The following KDM5A variants were observed in gnomAD, a reference collection of about 807,000 sequenced individuals.
KDM5A encodes lysine-specific demethylase 5A.
In KDM5A, 42 loss-of-function variants were observed where a neutral mutation model predicts 193.5. The observed-to-expected ratio is 0.22, with a 90% CI of 0.17 to 0.28. KDM5A has a LOEUF of 0.28. Among genes scored for constraint, KDM5A ranks in the 10% least tolerant of loss-of-function variants. KDM5A has a pLI of 1.00. For synonymous variants in KDM5A, 796 were observed against 718.1 expected (o/e 1.11, Z -1.73); for missense variants, 1,692 against 2,055.1 (o/e 0.82, Z 3.42).
chr12:307,812 A>G lies in KDM5A; in HGVS notation c.3572T>C (p.Leu1191Pro), dbSNP rs2137389415. 6.2e-7 allele frequency: 1 copy of G among 1,614,202 alleles called. No homozygotes were observed. Among genetic ancestry groups the G allele is most frequent in the Non-Finnish European group, 8.5e-7 (1 of 1,180,040 alleles). Reference protein sequence around the residue: ...KDWFHNSCVPLPKSSSQKKGS... With the variant: ...KDWFHNSCVPPPKSSSQKKGS... ...TTTTTTTTGGGAACTTGATTTAGGA[A>G]GAGGAACACAGCTGTTATGGAACCA... The change falls in exon 23 of 28, where the codon CTT becomes CCT. Residue 1191 changes from leucine (L) to proline (P), a missense_variant. Leu to Pro is a moderately conservative substitution (Grantham distance 98). Coordinates refer to ENST00000399788, the MANE Select transcript of KDM5A (RefSeq NM_001042603.3). This position sits in a 1 kb window ranked among gnomAD's most constrained non-coding sequence, Gnocchi z 4.3.
chr12:310,767 A>C (rs1359453819), intron 21 of KDM5A, 118 bp downstream of exon 21: 5 of 1,139,324 alleles, frequency 4.4e-6, no homozygotes, highest in Non-Finnish European at 6.6e-6. Flanking sequence ...TCAACATCTG[A>C]TATTACCTAG....
Position 323,162 on chromosome 12 carries a change from A to G in KDM5A, c.2195T>C (p.Val732Ala). The change falls in exon 16 of 28, where the codon GTA becomes GCA. Residue 732 changes from valine (V) to alanine (A), a missense_variant. Val to Ala is a moderately conservative substitution (Grantham distance 64). This residue lies in a region of KDM5A where 965 missense variants were observed against 1,061.0 expected (regional missense o/e 0.91). Coordinates refer to ENST00000399788, the MANE Select transcript of KDM5A (RefSeq NM_001042603.3). ...LEDLPSLLYG[V>A]KVRAQSYDTW... Reference sequence around the variant, plus strand: ...GTCATAGGACTGTGCCCTGACTTTTACACCATATAGCAGAGAAGGGAGGTC... The same window carrying G: ...GTCATAGGACTGTGCCCTGACTTTTGCACCATATAGCAGAGAAGGGAGGTC... 1 of 1,513,464 alleles carries G rather than the reference A, an allele frequency of 6.6e-7. No homozygotes were observed. The highest frequency in any genetic ancestry group is 8.9e-7 in the Non-Finnish European group (1 of 1,125,374). The allele number at this position is 1,513,464 out of a possible 1,614,324, so 93.8% of individuals were successfully genotyped here.
At position 333,512 on chromosome 12, in the gene KDM5A, T is replaced by G; in HGVS notation, c.1628A>C (p.Asn543Thr). Residue 543 changes from asparagine to threonine, a missense_variant, in exon 12 of 28, where the codon AAC (asparagine) becomes ACC (threonine). Coordinates refer to ENST00000399788, the MANE Select transcript of KDM5A (RefSeq NM_001042603.3). ...LHQLVTIMNP[N>T]VLMEHGVPVY... ...AGGCACACCATGCTCCATTAGCACG[T>G]TGGGGTTCATGATGGTAACTAACTG... 1.9e-6 allele frequency: 3 copies of G among 1,613,966 alleles called. No individual in the cohort carries two copies. Among genetic ancestry groups the G allele is most frequent in the Non-Finnish European group, 2.5e-6 (3 of 1,179,980 alleles).
intron 10 of KDM5A, among the ~76,000 whole-genome samples, chr12:348,474 C>A (rs936698421): frequency 3.9e-5 from 6 of 152,064 alleles, no homozygotes; most frequent in Non-Finnish European, 8.8e-5. Context: ...ATGTTTATTG[C>A]GGCAGTATTC....
At chr12:295,905 A>G (rs1943365317) in intron 25 of KDM5A, 112 bp from the exon 26 acceptor site, 3 of 838,662 alleles carry the variant, frequency 3.6e-6, no homozygotes, top group South Asian at 2.8e-5. Flanking sequence ...CTAACTTCAG[A>G]TATCTGGATT....
In KDM5A at chr12:284,268, C is replaced by G. The variant is rs1438823447; in HGVS notation, c.*1188G>C. ...TGTATATTAAAAAAGGAAAAATAATCTATGTATAGAACAGTCAGTAGTCAG... is the reference window on the plus strand; with the variant it reads ...TGTATATTAAAAAAGGAAAAATAATGTATGTATAGAACAGTCAGTAGTCAG... On this transcript the variant is annotated 3_prime_UTR_variant, in exon 28 of 28. Coordinates refer to ENST00000399788, the MANE Select transcript of KDM5A (RefSeq NM_001042603.3). The G allele has an allele frequency of 4.4e-6, 1 of 226,240 alleles. No homozygotes were observed. The highest frequency in any genetic ancestry group is 8.7e-6 in the Non-Finnish European group (1 of 114,334). 14.0% of individuals were successfully genotyped at this position (226,240 alleles called of 1,614,324 possible).
chr12:362,975 A>T lies in KDM5A; in HGVS notation c.660T>A (p.Arg220=). 1.2e-6 allele frequency: 2 copies of T among 1,614,178 alleles called. No individual in the cohort carries two copies. Among genetic ancestry groups the T allele is most frequent in the Non-Finnish European group, 1.7e-6 (2 of 1,180,018 alleles). The change falls in exon 5 of 28, where the codon CGT becomes CGA. Residue 220 remains arginine (R), a synonymous_variant. Coordinates refer to ENST00000399788, the MANE Select transcript of KDM5A (RefSeq NM_001042603.3). ...RMNILPKRTR[R]VKTQSESGDV... is the part of the protein sequence containing the mutation. ...AAGACATTGATACCTGAGTCTTCAC[A>T]CGTCTTGTTCTCTTCGGCAGAATGT...
chr12:283,727 CTG>C lies in KDM5A; in HGVS notation c.*1727_*1728del, dbSNP rs1943182514. 4.3e-6 allele frequency: 1 copy of C among 232,714 alleles called. No individual in the cohort carries two copies. The highest frequency in any genetic ancestry group is 2.2e-5 in the African/African-American group (1 of 45,154). 14.4% of individuals were successfully genotyped at this position (232,714 alleles called of 1,614,324 possible). On this transcript the variant is annotated 3_prime_UTR_variant, in exon 28 of 28. Transcript: ENST00000399788. Reference sequence around the variant, plus strand: ...CCCAATCCCCCCTTTAAAAGGAAAACTGATGAATTTAAGTCAAACCACAGATT... The same window carrying C: ...CCCAATCCCCCCTTTAAAAGGAAAACATGAATTTAAGTCAAACCACAGATT...
intron 10 of KDM5A, 98 bp downstream of exon 10, chr12:350,523 G>A (rs1275479797): frequency 2.2e-5 from 25 of 1,151,920 alleles, no homozygotes; most frequent in East Asian, 1.2e-4. Flanking sequence ...CAAATCCTAC[G>A]TATTTAATAT....
At position 282,689 on chromosome 12, in the gene KDM5A, C is replaced by T; in HGVS notation, c.*2767G>A. 1 of 232,896 alleles carries T rather than the reference C, an allele frequency of 4.3e-6. No homozygotes were observed. Among genetic ancestry groups the T allele is most frequent in the East Asian group, 6.1e-5 (1 of 16,514 alleles). The allele number at this position is 232,896 out of a possible 1,614,324, so 14.4% of individuals were successfully genotyped here. On this transcript the variant is annotated 3_prime_UTR_variant, in exon 28 of 28. Coordinates refer to ENST00000399788, the MANE Select transcript of KDM5A (RefSeq NM_001042603.3). ...TATAACCTTTGCCAGAGTTAAAATA[C>T]TAATGATGAAGAATTGCAACTTCAG...
At chr12:328,694 A>G in intron 14 of KDM5A, 141 bp downstream of exon 14, 1 of 736,380 alleles carries the variant, frequency 1.4e-6, no homozygotes, top group Non-Finnish European at 2.2e-6. Flanking sequence ...TATGTCAATT[A>G]TAAAAATATA....
chr12:354,598 T>A (rs566007750), intron 7 of KDM5A, among the ~76,000 whole-genome samples: 39 of 152,140 alleles, frequency 2.6e-4, no homozygotes, highest in African/African-American at 8.2e-4. Flanking sequence ...AAACCCCGTC[T>A]CTACTAAAAA....
At chr12:285,792 T>C in intron 27 of KDM5A, 130 bp from the exon 28 acceptor site, 1 of 793,674 alleles carries the variant, frequency 1.3e-6, no homozygotes, top group East Asian at 2.6e-5. Context: ...AATGACTTCT[T>C]ATGGGGTTAT....
intron 19 of KDM5A, among the ~76,000 whole-genome samples, chr12:314,891 G>T (rs1389366640): frequency 3.3e-5 from 5 of 152,198 alleles, no homozygotes; most frequent in African/African-American, 1.2e-4. Flanking sequence ...GATAAGACTA[G>T]ATATATAATT....
At chr12:326,939 T>C (rs143384253) in intron 14 of KDM5A, among the ~76,000 whole-genome samples, 10 of 151,640 alleles carry the variant, frequency 6.6e-5, no homozygotes, top group African/African-American at 1.2e-4. Context: ...CTGGTGAACT[T>C]TGAGACTTTC....
intron 3 of KDM5A, among the ~76,000 whole-genome samples, chr12:381,696 A>G (rs1380134985): frequency 1.3e-5 from 2 of 152,218 alleles, no homozygotes; most frequent in Non-Finnish European, 2.9e-5. Flanking sequence ...ACTGATTAAA[A>G]AAAGTCTCAA....
rs1456110878 is a variant in KDM5A, at chr12:283,530, GATTTT to G, written c.*1921_*1925del. The G allele has an allele frequency of 1.3e-5, 3 of 232,836 alleles. No homozygotes were observed. The highest frequency in any genetic ancestry group is 6.6e-5 in the African/African-American group (3 of 45,288). 14.4% of individuals were successfully genotyped at this position (232,836 alleles called of 1,614,324 possible). A position where few individuals can be genotyped will look rare whatever the true frequency, so the allele number is the denominator to read the frequency against. On this transcript the variant is annotated 3_prime_UTR_variant, in exon 28 of 28. Coordinates refer to ENST00000399788, the MANE Select transcript of KDM5A (RefSeq NM_001042603.3). The stretch of plus-strand genomic sequence containing the variant: ...TCAGAGAAAACATTTACAGAAATTG[GATTTT>G]ATAAGAAAACATCTTTTTTTTTGTA...
rs1591947517 is a variant in KDM5A at position 389,034 on chromosome 12, G to A, written c.58C>T (p.Pro20Ser). 1 of 1,613,938 alleles carries A rather than the reference G, an allele frequency of 6.2e-7. No homozygotes were observed. The highest frequency in any genetic ancestry group is 8.5e-7 in the Non-Finnish European group (1 of 1,179,950). Residue 20 changes from proline to serine, a missense_variant, in exon 1 of 28, where the codon CCC (proline) becomes TCC (serine). Physicochemically the swap from Pro to Ser is moderately conservative, Grantham distance 74 (BLOSUM62 -1). This residue lies in a region of KDM5A where 84 missense variants were observed against 68.2 expected (regional missense o/e 1.23). Coordinates refer to ENST00000399788, the MANE Select transcript of KDM5A (RefSeq NM_001042603.3). ...TCCTCCCAACTCGGCTCAAAGACGGGGCACTCTGGCGGTGGCACGAACTCC... is the reference window on the plus strand; with the variant it reads ...TCCTCCCAACTCGGCTCAAAGACGGAGCACTCTGGCGGTGGCACGAACTCC... Reference protein sequence around the residue: ...AAEFVPPPECPVFEPSWEEFT... With the variant: ...AAEFVPPPECSVFEPSWEEFT...
At chr12:329,813 C>A (rs1019112170) in intron 13 of KDM5A, among the ~76,000 whole-genome samples, 17 of 151,984 alleles carry the variant, frequency 1.1e-4, no homozygotes, top group African/African-American at 4.1e-4. Context: ...CACGTATATA[C>A]GCACTCCAAC....
Sources: gnomAD v4.1 joint callset for allele counts (sites outside exome capture counted in the v4.1 genomes callset) on GRCh38, gnomAD v4.1.1 for gene constraint, gnomAD v4.1.1 regional missense constraint, Gnocchi (gnomAD v3.1) non-coding constraint, MANE v1.5 for transcripts, NCBI Gene and HGNC (gene_info 2026-07-23, HGNC 2026-07-21) for gene names.